Variants in CSMD1 observed in about 807,000 individuals in gnomAD.
CSMD1 encodes the protein CUB and sushi domain-containing protein 1.
In CSMD1, 213 loss-of-function variants were observed where a neutral mutation model predicts 417.5. The ratio of observed to expected loss-of-function variants is 0.51; its 90% CI spans 0.46 to 0.57. The LOEUF (loss-of-function observed/expected upper bound fraction) is 0.57. CSMD1 is among the 20% of genes least tolerant of loss of function. The pLI is 0.00. For missense variants in CSMD1, 6,923 were observed against 4,529.7 expected (o/e 1.53, Z -15.17); for synonymous variants, 2,862 against 1,736.8 (o/e 1.65, Z -16.11).
rs755811947 is a variant in CSMD1, at chr8:2,962,648, G to T, written c.9455-9C>A. The T allele has an allele frequency of 2.5e-6, 4 of 1,611,530 alleles. No homozygotes were observed. The highest frequency in any genetic ancestry group is 1.7e-4 in the Middle Eastern group (1 of 6,044). On this transcript the variant is annotated splice_polypyrimidine_tract_variant and intron_variant, in intron 60 of 69. Transcript: ENST00000635120. ...GTCTCCGCAGAACACAGCTATGGAA[G>T]ATAACCAGGAAGAAGTCAGCCTTCA...
chr8:3,989,578 G>C (rs1050335946), intron 5 of CSMD1, among the ~76,000 whole-genome samples: 3 of 152,098 alleles, frequency 2.0e-5, no homozygotes, highest in Non-Finnish European at 4.4e-5. Context: ...ACAAGAAAGG[G>C]ATTGCATTAA....
intron 37 of CSMD1, among the ~76,000 whole-genome samples, chr8:3,169,280 C>T (rs1244144263): frequency 3.9e-5 from 6 of 152,106 alleles, no homozygotes; most frequent in Non-Finnish European, 8.8e-5. Flanking sequence ...TTGGATTTGG[C>T]ATTGATTTTT....
At chr8:4,232,326 G>C (rs538400243) in intron 3 of CSMD1, among the ~76,000 whole-genome samples, 10 of 152,054 alleles carry the variant, frequency 6.6e-5, no homozygotes, top group African/African-American at 1.9e-4. Flanking sequence ...AGCCTCCCTA[G>C]TACCTGGGAT....
At chr8:3,361,341 T>G (rs1187224126) in intron 20 of CSMD1, among the ~76,000 whole-genome samples, 3 of 152,066 alleles carry the variant, frequency 2.0e-5, no homozygotes, top group African/African-American at 7.2e-5. Context: ...TAAAAATAGT[T>G]GAAAACTCCA....
At chr8:4,885,609 G>A (rs1585263856) in intron 1 of CSMD1, among the ~76,000 whole-genome samples, 1 of 151,956 alleles carries the variant, frequency 6.6e-6, no homozygotes, top group Non-Finnish European at 1.5e-5. Flanking sequence ...CCTTTATCCT[G>A]TTGATATAGT....
intron 3 of CSMD1, among the ~76,000 whole-genome samples, chr8:4,299,421 G>A (rs1016278081): frequency 2.6e-5 from 4 of 152,068 alleles, no homozygotes; most frequent in East Asian, 1.9e-4. Flanking sequence ...GTGATTTTCA[G>A]GATTCCTACA....
intron 3 of CSMD1, among the ~76,000 whole-genome samples, chr8:4,139,224 G>T (rs1027703033): frequency 2.6e-5 from 4 of 152,128 alleles, no homozygotes; most frequent in Admixed American, 2.0e-4. Flanking sequence ...GTGTCCTAGT[G>T]GTGCTTTAAA....
chr8:4,787,146 C>G (rs721302), intron 1 of CSMD1, among the ~76,000 whole-genome samples: 1 of 152,004 alleles, frequency 6.6e-6, no homozygotes, highest in Non-Finnish European at 1.5e-5. Flanking sequence ...TCCGCCTATA[C>G]CCCTCCGGGT....
chr8:3,643,542 A>G (rs973486533), intron 7 of CSMD1, among the ~76,000 whole-genome samples: 1 of 151,892 alleles, frequency 6.6e-6, no homozygotes, highest in Non-Finnish European at 1.5e-5. Flanking sequence ...CTCTACTAAA[A>G]ATACAAAAAT....
intron 8 of CSMD1, among the ~76,000 whole-genome samples, chr8:3,611,556 G>T (rs149809947): frequency 1.3e-5 from 2 of 152,020 alleles, no homozygotes; most frequent in East Asian, 3.9e-4. Flanking sequence ...CCATGACAAA[G>T]TTAAAGTTTT....
chr8:3,945,358 T>C (rs1250450764), intron 5 of CSMD1, among the ~76,000 whole-genome samples: 1 of 152,088 alleles, frequency 6.6e-6, no homozygotes, highest in Non-Finnish European at 1.5e-5. Flanking sequence ...TCCACAAAGC[T>C]TTCATAAAGG....
chr8:4,707,693 C>A (rs1169803445), intron 1 of CSMD1, among the ~76,000 whole-genome samples: 1 of 151,834 alleles, frequency 6.6e-6, no homozygotes, highest in Non-Finnish European at 1.5e-5. Flanking sequence ...TCCAGACCAG[C>A]CTGCCCAACA....
At chr8:3,266,604 C>T (rs1163733665) in intron 26 of CSMD1, among the ~76,000 whole-genome samples, 1 of 25,500 alleles carries the variant, frequency 3.9e-5, no homozygotes, top group African/African-American at 1.9e-4. Context: ...GACTCCCTCT[C>T]AAAAAAAAAA....
At position 3,308,429 on chromosome 8, in the gene CSMD1, T is replaced by C; in HGVS notation, c.3706A>G (p.Thr1236Ala). ...CAACTGTACAGAACTACAGTGTCGG[T>C]AAAGTGGCCTTCATCACGGATCCTA... ...GYRIRDEGHF[T>A]DTVVLYSCNP... is the part of the protein sequence containing the mutation. Residue 1236 changes from threonine (T) to alanine (A), a missense_variant, in exon 24 of 70, where the codon ACC becomes GCC. Transcript: ENST00000635120. 1 of 1,613,836 alleles carries C rather than the reference T, an allele frequency of 6.2e-7. No homozygotes were observed. Among genetic ancestry groups the C allele is most frequent in the South Asian group, 1.1e-5 (1 of 91,058 alleles).
At chr8:4,301,581 A>G (rs1797983788) in intron 3 of CSMD1, among the ~76,000 whole-genome samples, 1 of 152,170 alleles carries the variant, frequency 6.6e-6, no homozygotes, top group African/African-American at 2.4e-5. Context: ...CTCAATTATT[A>G]TTTTTTTGTC....
At chr8:4,955,209 G>T (rs1427411759) in intron 1 of CSMD1, among the ~76,000 whole-genome samples, 1 of 152,112 alleles carries the variant, frequency 6.6e-6, no homozygotes, top group Non-Finnish European at 1.5e-5. Context: ...ACCCATTCGT[G>T]TGCACAGAAG....
intron 7 of CSMD1, among the ~76,000 whole-genome samples, chr8:3,667,150 C>T (rs1435076440): frequency 2.0e-5 from 3 of 151,996 alleles, no homozygotes; most frequent in African/African-American, 7.3e-5. Context: ...TAAAGGGGGG[C>T]TGTTCTTATG....
At chr8:4,678,116 T>C (rs904700552) in intron 1 of CSMD1, among the ~76,000 whole-genome samples, 1 of 152,018 alleles carries the variant, frequency 6.6e-6, no homozygotes, top group Non-Finnish European at 1.5e-5. Context: ...AGCAAAACAG[T>C]CTAAAAAGAA....
At chr8:4,137,038 T>C (rs11986234) in intron 3 of CSMD1, among the ~76,000 whole-genome samples, 4,216 of 152,270 alleles carry the variant, frequency 0.028, 208 homozygotes, top group African/African-American at 0.096. Context: ...ATGATCACAG[T>C]TGGTTGGCTT....
Sources: gnomAD v4.1 joint callset for allele counts (sites outside exome capture counted in the v4.1 genomes callset) on GRCh38, gnomAD v4.1.1 for gene constraint, MANE v1.5 for transcripts, NCBI Gene and HGNC (gene_info 2026-07-23, HGNC 2026-07-21) for gene names.